The following RAP1A variants were observed in gnomAD, a reference collection of about 807,000 sequenced individuals.
The protein encoded by RAP1A is ras-related protein Rap-1A.
Under a neutral mutation model 26.4 loss-of-function variants are expected in RAP1A, and 6 were observed. That is an observed-to-expected ratio of 0.23 (90% CI 0.12 to 0.45). The LOEUF (loss-of-function observed/expected upper bound fraction) is 0.45, where lower values mean the gene tolerates loss of function less well. RAP1A is among the 20% of genes least tolerant of loss of function. The pLI, the probability that RAP1A is intolerant of heterozygous loss-of-function variation, is 0.99. For missense variants in RAP1A, 121 were observed against 217.2 expected (o/e 0.56, Z 2.78); for synonymous variants, 73 against 79.4 (o/e 0.92, Z 0.43).
intron 1 of RAP1A, among the ~76,000 whole-genome samples, chr1:111,671,587 G>A (rs1660976937): frequency 1.3e-5 from 2 of 152,058 alleles, no homozygotes; most frequent in African/African-American, 4.8e-5. Context: ...CGATTCTTGT[G>A]CCTCAGCCTC....
intron 1 of RAP1A, among the ~76,000 whole-genome samples, chr1:111,550,493 T>C (rs975788356): frequency 6.6e-6 from 1 of 152,230 alleles, no homozygotes; most frequent in African/African-American, 2.4e-5. Context: ...CTAAGCATTC[T>C]TCCAACATTC....
intron 1 of RAP1A, among the ~76,000 whole-genome samples, chr1:111,565,316 C>T (rs1413502038): frequency 6.6e-6 from 1 of 152,166 alleles, no homozygotes; most frequent in African/African-American, 2.4e-5. Flanking sequence ...AGGCATTCAA[C>T]CTCGTTCAAA....
intron 1 of RAP1A, among the ~76,000 whole-genome samples, chr1:111,561,899 C>T (rs529606856): frequency 6.6e-6 from 1 of 152,082 alleles, no homozygotes; most frequent in Admixed American, 6.6e-5. Context: ...TTCAACACTC[C>T]TCCCCATCTC....
intron 1 of RAP1A, among the ~76,000 whole-genome samples, chr1:111,620,457 C>T (rs953540697): frequency 6.6e-6 from 1 of 152,164 alleles, no homozygotes; most frequent in Non-Finnish European, 1.5e-5. Flanking sequence ...GAGGGACACA[C>T]GGGGAACGGG....
At chr1:111,671,766 G>A (rs887611570) in intron 1 of RAP1A, among the ~76,000 whole-genome samples, 10 of 152,302 alleles carry the variant, frequency 6.6e-5, no homozygotes, top group Non-Finnish European at 1.5e-4. Context: ...GAGCCACTAC[G>A]CCCTGCCAGC....
chr1:111,671,483 T>C (rs71673430), intron 1 of RAP1A, among the ~76,000 whole-genome samples: 59 of 152,218 alleles, frequency 3.9e-4, no homozygotes, highest in African/African-American at 1.4e-3. Flanking sequence ...TTCTTTCTTT[T>C]TTTTTGTTTT....
chr1:111,688,802 GTTTTTGTTTTTTTTTTTTTGTTTTTT>G (rs1268227000), intron 1 of RAP1A, among the ~76,000 whole-genome samples: 7 of 125,782 alleles, frequency 5.6e-5, no homozygotes, highest in Admixed American at 5.4e-4. Context: ...ATGGGTTTTT[GTTTTTGTTTTTTTTTTTTTGTTTTTT>G]TTTTTGTTTT....
rs148361299 is a variant in RAP1A, at chr1:111,702,539, G to A, written c.184-797G>A. ...CATCTTTTCTAAAGGTTTGGAATGAGGGGGAAAATGAAAATACATGAACAA... is the reference window on the plus strand; with the variant it reads ...CATCTTTTCTAAAGGTTTGGAATGAAGGGGAAAATGAAAATACATGAACAA... On this transcript the variant is annotated intron_variant, in intron 4 of 7. Transcript: ENST00000369709. Among the ~76,000 whole-genome samples the A allele has an allele frequency of 1.8e-3, 272 of 152,030 alleles. 3 individuals carry two copies. Among genetic ancestry groups the A allele is most frequent in the African/African-American group, 5.7e-3 (237 of 41,498 alleles).
At chr1:111,587,333 A>G (rs1421376178) in intron 1 of RAP1A, among the ~76,000 whole-genome samples, 4 of 151,980 alleles carry the variant, frequency 2.6e-5, no homozygotes, top group Admixed American at 6.6e-5. Flanking sequence ...TCATCTTTCT[A>G]CTTTATGAGA....
In RAP1A at chr1:111,655,658, CT is replaced by C. The variant is rs34266778; in HGVS notation, c.-27-35649del. The stretch of plus-strand genomic sequence containing the variant: ...GAAGAACCTTAAAAATGTTCATAGT[CT>C]TTTTTTTTTTTTTTTTTTTTTTTTT... On this transcript the variant is annotated intron_variant, in intron 1 of 7. Transcript: ENST00000369709. 4.1e-3 allele frequency among the ~76,000 whole-genome samples: 345 copies of C among 85,142 alleles called. 3 individuals are homozygous for C. The highest frequency in any genetic ancestry group is 0.013 in the African/African-American group (255 of 18,898). The allele number at this position is 85,142 out of a possible 152,430, so 55.9% of individuals were successfully genotyped here.
At chr1:111,595,528 T>C (rs143993313) in intron 1 of RAP1A, among the ~76,000 whole-genome samples, 8 of 152,340 alleles carry the variant, frequency 5.3e-5, no homozygotes, top group African/African-American at 1.9e-4. Flanking sequence ...AGGACAGGGA[T>C]AACACATGGC....
intron 1 of RAP1A, among the ~76,000 whole-genome samples, chr1:111,653,310 A>G (rs559630985): frequency 6.6e-6 from 1 of 152,294 alleles, no homozygotes; most frequent in East Asian, 1.9e-4. Flanking sequence ...GGGGTGATGA[A>G]AATATTCAGA....
chr1:111,621,725 A>G (rs2101090101), intron 1 of RAP1A, among the ~76,000 whole-genome samples: 1 of 152,364 alleles, frequency 6.6e-6, no homozygotes, highest in African/African-American at 2.4e-5. Context: ...CTCTCCCCAG[A>G]ATAAAGTTAA....
chr1:111,634,318 A>C (rs905005604), intron 1 of RAP1A, among the ~76,000 whole-genome samples: 7 of 152,080 alleles, frequency 4.6e-5, no homozygotes, highest in African/African-American at 7.2e-5. Flanking sequence ...ATAGAAAATC[A>C]ATCATAAAAT....
intron 1 of RAP1A, among the ~76,000 whole-genome samples, chr1:111,597,485 G>A (rs1339655352): frequency 6.6e-6 from 1 of 152,182 alleles, no homozygotes; most frequent in Non-Finnish European, 1.5e-5. Context: ...CTCCAGGAAA[G>A]TCCAGATCCC....
chr1:111,547,602 C>T (rs1010795080), intron 1 of RAP1A, among the ~76,000 whole-genome samples: 1 of 152,166 alleles, frequency 6.6e-6, no homozygotes, highest in African/African-American at 2.4e-5. Flanking sequence ...TCCTGGAAAT[C>T]TGACGTCAAT....
intron 1 of RAP1A, among the ~76,000 whole-genome samples, chr1:111,688,808 GTTTTTTTTT>G (rs753016302): frequency 7.3e-4 from 91 of 124,204 alleles, no homozygotes; most frequent in African/African-American, 2.5e-3. Flanking sequence ...TTTTGTTTTT[GTTTTTTTTT>G]TTTTGTTTTT....
At chr1:111,593,014 GGA>G (rs973546681) in intron 1 of RAP1A, among the ~76,000 whole-genome samples, 1 of 152,088 alleles carries the variant, frequency 6.6e-6, no homozygotes, top group African/African-American at 2.4e-5. Context: ...CCAGAGAGAG[GGA>G]GAGAGAGAAA....
intron 1 of RAP1A, chr1:111,649,218 G>A (rs1364479659): frequency 3.1e-5 from 15 of 488,568 alleles, no homozygotes; most frequent in Non-Finnish European, 6.0e-5. Context: ...CCTGAGCTGG[G>A]GTCCCTTCTT....
Sources: allele counts gnomAD v4.1 joint callset (sites outside exome capture counted in the v4.1 genomes callset), GRCh38; gene constraint gnomAD v4.1.1; transcripts MANE v1.5; gene names NCBI Gene and HGNC (gene_info 2026-07-23, HGNC 2026-07-21).